Variants in NRIP1 observed in about 807,000 individuals in gnomAD.
The protein encoded by NRIP1 is nuclear receptor-interacting protein 1.
NRIP1 carries 28 observed loss-of-function variants against 75.0 expected under a neutral mutation model. That is an observed-to-expected ratio of 0.37 (90% CI 0.28 to 0.51). NRIP1 has a LOEUF of 0.51. NRIP1 is among the 20% of genes least tolerant of loss of function. The pLI, the probability that NRIP1 is intolerant of heterozygous loss-of-function variation, is 0.92. For synonymous variants in NRIP1, 526 were observed against 487.6 expected (o/e 1.08, Z -1.04); for missense variants, 1,435 against 1,343.7 (o/e 1.07, Z -1.06).
chr21:14,985,987 G>A (rs2087389829), intron 3 of NRIP1, among the ~76,000 whole-genome samples: 1 of 152,126 alleles, frequency 6.6e-6, no homozygotes, highest in Non-Finnish European at 1.5e-5. Context: ...AAGCCTTTAT[G>A]CAAGAAAGGC....
intron 2 of NRIP1, among the ~76,000 whole-genome samples, chr21:15,028,664 T>C (rs750820408): frequency 6.6e-6 from 1 of 152,176 alleles, no homozygotes; most frequent in African/African-American, 2.4e-5. Context: ...TACTCTTATT[T>C]TAAAATTACT....
chr21:15,023,069 G>A (rs2088418427), intron 2 of NRIP1, among the ~76,000 whole-genome samples: 1 of 152,158 alleles, frequency 6.6e-6, no homozygotes, highest in East Asian at 1.9e-4. Context: ...GGTGGGAAGG[G>A]ATGGAAATGG....
At chr21:15,025,349 A>C (rs548136197) in intron 2 of NRIP1, among the ~76,000 whole-genome samples, 1 of 152,290 alleles carries the variant, frequency 6.6e-6, no homozygotes, top group African/African-American at 2.4e-5. Context: ...GAAATTAGAG[A>C]TATCAGTATG....
chr21:15,036,652 G>A (rs1488035599), intron 2 of NRIP1, among the ~76,000 whole-genome samples: 3 of 151,810 alleles, frequency 2.0e-5, no homozygotes, highest in Non-Finnish European at 2.9e-5. Context: ...ACTGTTCTTA[G>A]CACGAGAACC....
chr21:15,006,189 T>C (rs940373745), intron 3 of NRIP1, among the ~76,000 whole-genome samples: 1 of 152,110 alleles, frequency 6.6e-6, no homozygotes, highest in Non-Finnish European at 1.5e-5. Context: ...AAAAAAATCA[T>C]TAGAATAGTG....
Position 14,965,637 on chromosome 21 carries a change from A to G in NRIP1, c.2556T>C (p.Leu852=). ...GCTTCCTTTTCTTAGGGACCATGCAAAGATTCTTTGATTCTAGAAGTGCCA... is the reference window on the plus strand; with the variant it reads ...GCTTCCTTTTCTTAGGGACCATGCAGAGATTCTTTGATTCTAGAAGTGCCA... ...NEMALLESKN[L]CMVPKKRKLY... Residue 852 remains leucine, a synonymous_variant, in exon 4 of 4, where the codon CTT becomes CTC. Transcript: ENST00000318948. The G allele has an allele frequency of 6.2e-7, 1 of 1,613,308 alleles. No homozygotes were observed. Among genetic ancestry groups the G allele is most frequent in the Non-Finnish European group, 8.5e-7 (1 of 1,179,898 alleles).
At position 14,966,333 on chromosome 21, in the gene NRIP1, C is replaced by T. The variant is rs139192139; in HGVS notation, c.1860G>A (p.Gln620=). 375 of 1,614,056 alleles carry T rather than the reference C, an allele frequency of 2.3e-4. 2 individuals carry two copies. The African/African-American group carries it at 3.9e-3, about 17-fold the overall frequency. ...TACTGGCACTAAACGTTGCAGAGTT[C>T]TGTGCACCTTCATTTTGGGCTGGTT... ...GEKPAQNEGA[Q]NSATFSASKL... is the part of the protein sequence containing the mutation. The change falls in exon 4 of 4, where the codon CAG becomes CAA. Residue 620 remains glutamine, a synonymous_variant. Coordinates refer to ENST00000318948, the MANE Select transcript of NRIP1 (RefSeq NM_003489.4).
intron 3 of NRIP1, among the ~76,000 whole-genome samples, chr21:14,970,581 A>G (rs1443755469): frequency 6.7e-6 from 1 of 150,002 alleles, no homozygotes; most frequent in African/African-American, 2.5e-5. Flanking sequence ...CTGCTAATAT[A>G]CAATTAATTC....
At chr21:14,990,439 A>G (rs2087537698) in intron 3 of NRIP1, among the ~76,000 whole-genome samples, 1 of 152,286 alleles carries the variant, frequency 6.6e-6, no homozygotes, top group Admixed American at 6.5e-5. Flanking sequence ...AGGGCTGTCC[A>G]AGCCCTAGAT....
intron 2 of NRIP1, among the ~76,000 whole-genome samples, chr21:15,016,978 G>A (rs1311544879): frequency 2.0e-5 from 3 of 150,266 alleles, no homozygotes; most frequent in East Asian, 1.9e-4. Context: ...AAAGAAAAGA[G>A]AAAGAAAGAA....
chr21:15,011,789 C>T (rs2088110089), intron 3 of NRIP1, among the ~76,000 whole-genome samples: 1 of 152,034 alleles, frequency 6.6e-6, no homozygotes, highest in South Asian at 2.1e-4. Context: ...AAATATTATA[C>T]ACTGAGATAA....
chr21:15,020,537 T>C (rs2088348521), intron 2 of NRIP1, among the ~76,000 whole-genome samples: 1 of 152,070 alleles, frequency 6.6e-6, no homozygotes, highest in South Asian at 2.1e-4. Context: ...TACAGAAATA[T>C]TCCTTAAATA....
rs1196007068 is a variant in NRIP1, at chr21:14,965,452, C to T, written c.2741G>A (p.Gly914Asp). ...RNDLEFKYPA[G>D]HGSASESEHR... ...TTCACTTTCGCTGGCTGAGCCATGA[C>T]CAGCAGGATATTTAAATTCAAGATC... The change falls in exon 4 of 4, where the codon GGT (glycine) becomes GAT (aspartate). Residue 914 changes from glycine (G) to aspartate (D), a missense_variant. Transcript: ENST00000318948. 1 of 1,613,918 alleles carries T rather than the reference C, an allele frequency of 6.2e-7. No homozygotes were observed. Among genetic ancestry groups the T allele is most frequent in the African/African-American group, 1.3e-5 (1 of 74,994 alleles).
At chr21:14,999,013 G>A (rs114607088) in intron 3 of NRIP1, among the ~76,000 whole-genome samples, 1,752 of 151,166 alleles carry the variant, frequency 0.012, 33 homozygotes, top group African/African-American at 0.04. Context: ...CTCGTAGAAA[G>A]AGAGAGAGAG....
chr21:14,965,853 T>C lies in NRIP1; in HGVS notation c.2340A>G (p.Pro780=). ...GCACAGCAGGAGCCATACCCAAGAATGGGGCACTCTTAGCATCATGGCTCA... is the reference window on the plus strand; with the variant it reads ...GCACAGCAGGAGCCATACCCAAGAACGGGGCACTCTTAGCATCATGGCTCA... ...VHLSHDAKSA[P]FLGMAPAVQR... The change falls in exon 4 of 4, where the codon CCA becomes CCG. Residue 780 remains proline (P), a synonymous_variant. Coordinates refer to ENST00000318948, the MANE Select transcript of NRIP1 (RefSeq NM_003489.4). 6.2e-7 allele frequency: 1 copy of C among 1,614,098 alleles called. No individual in the cohort carries two copies. The highest frequency in any genetic ancestry group is 8.5e-7 in the Non-Finnish European group (1 of 1,179,982).
intron 2 of NRIP1, among the ~76,000 whole-genome samples, chr21:15,027,522 C>T (rs566940242): frequency 2.0e-5 from 3 of 152,126 alleles, no homozygotes; most frequent in African/African-American, 7.2e-5. Flanking sequence ...TAAAGAGATA[C>T]ACTCAAAAGA....
rs77651038 is a variant in NRIP1 at position 15,009,911 on chromosome 21, T to C, written c.-335+4433A>G. Among the ~76,000 whole-genome samples the C allele has an allele frequency of 0.016, 2,401 of 152,080 alleles. 231 individuals carry two copies. In the East Asian group the frequency reaches 0.27, roughly 17 times the overall value. On this transcript the variant is annotated intron_variant, in intron 3 of 3. Transcript: ENST00000318948. ...ATAAAATAGAAACAGACAAACAAAT[T>C]ATTGGCCTTTACTGCAGATATTTTG...
chr21:15,030,870 T>A (rs1468858160), intron 2 of NRIP1, among the ~76,000 whole-genome samples: 2 of 147,318 alleles, frequency 1.4e-5, no homozygotes, highest in Non-Finnish European at 3.1e-5. Flanking sequence ...TCCCCTTCTA[T>A]GTGTGTACAC....
chr21:15,026,660 T>C (rs2088528411), intron 2 of NRIP1, among the ~76,000 whole-genome samples: 1 of 151,872 alleles, frequency 6.6e-6, no homozygotes, highest in Non-Finnish European at 1.5e-5. Context: ...TCAACATAGG[T>C]ATATCAAAAA....
Sources: gnomAD v4.1 joint callset for allele counts (sites outside exome capture counted in the v4.1 genomes callset) on GRCh38, gnomAD v4.1.1 for gene constraint, MANE v1.5 for transcripts, NCBI Gene and HGNC (gene_info 2026-07-23, HGNC 2026-07-21) for gene names.